SPDL1: variants seen among roughly 807,000 people sequenced by gnomAD.
SPDL1 encodes spindle apparatus coiled-coil protein 1, also known as protein Spindly.
In SPDL1, 85 loss-of-function variants were observed where a neutral mutation model predicts 79.5. That is an observed-to-expected ratio of 1.07 (90% CI 0.90 to 1.28). The LOEUF (loss-of-function observed/expected upper bound fraction) is 1.28, where lower values mean the gene tolerates loss of function less well. Among genes scored for constraint, SPDL1 ranks in the 50% most tolerant of loss-of-function variants. The probability of loss-of-function intolerance (pLI) is 0.00; values close to 1 mark genes in which losing one functional copy is unlikely to be tolerated. For synonymous variants in SPDL1, 269 were observed against 240.3 expected (o/e 1.12, Z -1.10); for missense variants, 703 against 697.8 (o/e 1.01, Z -0.08).
rs777749859 is a variant in SPDL1, at chr5:169,601,489, G to C, written c.1534G>C (p.Val512Leu). Residue 512 changes from valine (V) to leucine (L), a missense_variant, in exon 11 of 12, where the codon GTC becomes CTC. Transcript: ENST00000265295. ...EKSVSIYTPVVSLSPHKNLPV... is the reference protein window; with the variant it reads ...EKSVSIYTPVLSLSPHKNLPV... ...ATCAGTTTCTATATACACACCAGTA[G>C]TCAGTCTCTCTCCTCACAAAAATCT... The C allele has an allele frequency of 6.2e-7, 1 of 1,614,012 alleles. No homozygotes were observed. Among genetic ancestry groups the C allele is most frequent in the South Asian group, 1.1e-5 (1 of 91,078 alleles).
intron 3 of SPDL1, among the ~76,000 whole-genome samples, chr5:169,592,507 G>A (rs1049942694): frequency 1.3e-5 from 2 of 152,008 alleles, no homozygotes; most frequent in Non-Finnish European, 2.9e-5. Context: ...GAGCCACTGC[G>A]CCTGGCCAAA....
rs1755448957 is a variant in SPDL1 at position 169,594,153 on chromosome 5, C to T, written c.540C>T (p.Leu180=). The T allele has an allele frequency of 1.2e-6, 2 of 1,601,060 alleles. No homozygotes were observed. Among genetic ancestry groups the T allele is most frequent in the Non-Finnish European group, 1.7e-6 (2 of 1,176,620 alleles). Residue 180 remains leucine (L), a synonymous_variant, in exon 5 of 12, where the codon CTC becomes CTT. Transcript: ENST00000265295. The part of the protein sequence containing the change: ...LTEMESMKTT[L]KEEVNELQYR... ...CAATTCCTGTTAAATAGACCACCCT[C>T]AAAGAAGAAGTGAATGAACTACAAT...
intron 10 of SPDL1, among the ~76,000 whole-genome samples, chr5:169,601,069 T>C (rs1179380503): frequency 6.6e-6 from 1 of 151,976 alleles, no homozygotes; most frequent in Non-Finnish European, 1.5e-5. Flanking sequence ...CAAGGAAAAA[T>C]ATATAGCCAA....
intron 1 of SPDL1, chr5:169,587,224 C>A (rs1415984001): frequency 6.6e-6 from 1 of 151,718 alleles, no homozygotes; most frequent in Non-Finnish European, 1.5e-5. Flanking sequence ...GCTTTTTTTT[C>A]GTCCATTTTG....
Position 169,593,386 on chromosome 5 carries a change from C to T in SPDL1, c.369C>T (p.Ala123=), listed in dbSNP as rs747034255. 22 of 1,607,508 alleles carry T rather than the reference C, an allele frequency of 1.4e-5. No homozygotes were observed. The Admixed American group carries it at 3.8e-4, about 27-fold the overall frequency. The change falls in exon 4 of 12, where the codon GCC becomes GCT. Residue 123 remains alanine (A), a synonymous_variant. Transcript: ENST00000265295. ...IEKLKVELDE[A]RLSEKQLKHQ... is the part of the protein sequence containing the mutation. Reference sequence around the variant, plus strand: ...AACTGAAAGTGGAATTAGATGAAGCCAGGCTTAGTGAAAAGCAGCTGAAGC... The same window carrying T: ...AACTGAAAGTGGAATTAGATGAAGCTAGGCTTAGTGAAAAGCAGCTGAAGC...
At chr5:169,590,719 G>A in intron 2 of SPDL1, 3 of 464,360 alleles carry the variant, frequency 6.5e-6, no homozygotes, top group Non-Finnish European at 1.3e-5. Flanking sequence ...CATGAGGAAA[G>A]CTTAAGTGCT....
chr5:169,588,836 A>G (rs534375390), intron 2 of SPDL1: 1 of 244,270 alleles, frequency 4.1e-6, no homozygotes, highest in African/African-American at 2.3e-5. Context: ...TTGTCTGCAC[A>G]CTTCCTAGAA....
At chr5:169,584,654 T>C (rs1039040519) in intron 1 of SPDL1, among the ~76,000 whole-genome samples, 7 of 152,224 alleles carry the variant, frequency 4.6e-5, no homozygotes, top group Non-Finnish European at 8.8e-5. Context: ...GTGTGCTATA[T>C]TTTTGAGAAG....
chr5:169,588,217 C>T (rs919451398), intron 1 of SPDL1, among the ~76,000 whole-genome samples, 177 bp from the exon 2 acceptor site: 2 of 152,130 alleles, frequency 1.3e-5, no homozygotes, highest in Admixed American at 1.3e-4. Context: ...ACAGAATTGT[C>T]AGAACAGTTC....
At chr5:169,600,722 A>G (rs1274333326) in intron 10 of SPDL1, among the ~76,000 whole-genome samples, 1 of 152,216 alleles carries the variant, frequency 6.6e-6, no homozygotes, top group Non-Finnish European at 1.5e-5. Flanking sequence ...TATCCATCAT[A>G]AAAGTAGTCT....
At chr5:169,584,782 C>T (rs1429227378) in intron 1 of SPDL1, among the ~76,000 whole-genome samples, 1 of 152,198 alleles carries the variant, frequency 6.6e-6, no homozygotes, top group Admixed American at 6.5e-5. Flanking sequence ...TTCTATGCCT[C>T]AGCTTGCATG....
rs1371252413 is a variant in SPDL1, at chr5:169,601,532, T to A, written c.1577T>A (p.Leu526Gln). 1 of 1,614,068 alleles carries A rather than the reference T, an allele frequency of 6.2e-7. No individual in the cohort carries two copies. Among genetic ancestry groups the A allele is most frequent in the Non-Finnish European group, 8.5e-7 (1 of 1,180,030 alleles). Residue 526 changes from leucine (L) to glutamine (Q), a missense_variant, in exon 11 of 12, where the codon CTG becomes CAG. By Grantham distance (113) the Leu-to-Gln change is moderately radical (BLOSUM62 -2). Coordinates refer to ENST00000265295, the MANE Select transcript of SPDL1 (RefSeq NM_017785.5). ...PHKNLPVDMQ[L>Q]KKEKKCVKLI... ...AAAAATCTGCCCGTGGATATGCAGC[T>A]GAAGAAGGAAAAGAAATGTGTGAAA... is the stretch of plus-strand genomic sequence containing the variant.
chr5:169,594,070 C>T (rs2113355451), intron 4 of SPDL1, 75 bp from the exon 5 acceptor site: 1 of 1,272,034 alleles, frequency 7.9e-7, no homozygotes, highest in Non-Finnish European at 1.1e-6. Context: ...TGAACCACAA[C>T]TGAGATAAAC....
intron 3 of SPDL1, 74 bp from the exon 4 acceptor site, chr5:169,593,280 A>G (rs754065772): frequency 6.8e-5 from 89 of 1,317,650 alleles, no homozygotes; most frequent in Non-Finnish European, 8.7e-5. Context: ...AGTTTGGTTC[A>G]ATCAGTTCAA....
At chr5:169,584,773 T>C (rs1337480182) in intron 1 of SPDL1, among the ~76,000 whole-genome samples, 1 of 152,240 alleles carries the variant, frequency 6.6e-6, no homozygotes, top group Non-Finnish European at 1.5e-5. Flanking sequence ...CTTAAAACTT[T>C]CTATGCCTCA....
intron 2 of SPDL1, chr5:169,588,795 CTCTT>C (rs1413238271): frequency 1.5e-5 from 5 of 340,150 alleles, no homozygotes; most frequent in African/African-American, 2.1e-5. Context: ...TATCATTACT[CTCTT>C]TGCCACATTT....
At chr5:169,591,493 C>T (rs574169490) in intron 3 of SPDL1, among the ~76,000 whole-genome samples, 10 of 152,182 alleles carry the variant, frequency 6.6e-5, no homozygotes, top group Non-Finnish European at 1.3e-4. Context: ...AGCATGGCCT[C>T]CTTGCTGATA....
chr5:169,602,659 A>G (rs950877140), intron 11 of SPDL1, among the ~76,000 whole-genome samples: 9 of 152,238 alleles, frequency 5.9e-5, no homozygotes, highest in Non-Finnish European at 1.2e-4. Flanking sequence ...TGTAATATTC[A>G]ACAGTAAAAG....
chr5:169,587,577 T>C (rs1755051846), intron 1 of SPDL1, among the ~76,000 whole-genome samples: 1 of 152,244 alleles, frequency 6.6e-6, no homozygotes, highest in South Asian at 2.1e-4. Context: ...GTGAATCTCT[T>C]TCCAGGAAAG....
Sources: gnomAD v4.1 joint callset for allele counts (sites outside exome capture counted in the v4.1 genomes callset) on GRCh38, gnomAD v4.1.1 for gene constraint, MANE v1.5 for transcripts, NCBI Gene and HGNC (gene_info 2026-07-23, HGNC 2026-07-21) for gene names.